The following CNOT6 variants were observed in gnomAD, a reference collection of about 807,000 sequenced individuals.
CNOT6 encodes carbon catabolite repression 4 protein.
In CNOT6, 12 loss-of-function variants were observed where a neutral mutation model predicts 61.2. That is an observed-to-expected ratio of 0.20 (90% CI 0.13 to 0.32). CNOT6 has a LOEUF of 0.32. Among genes scored for constraint, CNOT6 ranks in the 10% least tolerant of loss-of-function variants. The probability of loss-of-function intolerance (pLI) is 1.00; values close to 1 mark genes in which losing one functional copy is unlikely to be tolerated. For missense variants in CNOT6, 405 were observed against 663.9 expected (o/e 0.61, Z 4.28); for synonymous variants, 225 against 240.6 (o/e 0.94, Z 0.60).
At chr5:180,529,868 C>A (rs1284793406) in intron 2 of CNOT6, among the ~76,000 whole-genome samples, 1 of 152,064 alleles carries the variant, frequency 6.6e-6, no homozygotes, top group African/African-American at 2.4e-5. Flanking sequence ...CTGAGGACAG[C>A]CTTATTCAGA....
At chr5:180,560,017 C>G (rs1215312699) in intron 4 of CNOT6, among the ~76,000 whole-genome samples, 1 of 150,462 alleles carries the variant, frequency 6.6e-6, no homozygotes, top group Non-Finnish European at 1.5e-5. Flanking sequence ...GGCGCGATCT[C>G]GGCTCACTGC....
At chr5:180,568,983 G>T in intron 9 of CNOT6, 127 bp from the exon 10 acceptor site, 1 of 673,938 alleles carries the variant, frequency 1.5e-6, no homozygotes, top group South Asian at 2.0e-5. Flanking sequence ...CAGTCATCCG[G>T]TGGGAATTTT....
intron 1 of CNOT6, among the ~76,000 whole-genome samples, chr5:180,517,107 G>A (rs1188254582): frequency 6.6e-6 from 1 of 152,128 alleles, no homozygotes; most frequent in Non-Finnish European, 1.5e-5. Flanking sequence ...TTTCATTAAT[G>A]CCAATATTCA....
intron 2 of CNOT6, among the ~76,000 whole-genome samples, chr5:180,549,614 A>G (rs1315163888): frequency 6.6e-6 from 1 of 151,938 alleles, no homozygotes; most frequent in South Asian, 2.1e-4. Context: ...ACGCCACTGC[A>G]CTCCAGCCTG....
intron 1 of CNOT6, among the ~76,000 whole-genome samples, chr5:180,517,813 A>G (rs1015236783): frequency 9.8e-5 from 15 of 152,318 alleles, no homozygotes; most frequent in African/African-American, 3.4e-4. Flanking sequence ...GAGTGCTGGG[A>G]TTACAGGCGT....
At chr5:180,508,688 T>C (rs1041544660) in intron 1 of CNOT6, among the ~76,000 whole-genome samples, 4 of 152,082 alleles carry the variant, frequency 2.6e-5, no homozygotes, top group African/African-American at 9.7e-5. Flanking sequence ...ACAGGTGCCA[T>C]CATGGCTCAC....
chr5:180,497,810 G>A (rs1426044505), intron 1 of CNOT6, among the ~76,000 whole-genome samples: 2 of 152,130 alleles, frequency 1.3e-5, no homozygotes, highest in Non-Finnish European at 2.9e-5. Context: ...TTGGGAGGCC[G>A]AGGCGGGCGG....
At chr5:180,509,667 G>A (rs1757291139) in intron 1 of CNOT6, among the ~76,000 whole-genome samples, 2 of 150,144 alleles carry the variant, frequency 1.3e-5, no homozygotes, top group African/African-American at 2.5e-5. Flanking sequence ...CACTTGCCTC[G>A]GCCTCCCAAG....
At chr5:180,508,471 C>A (rs1757232449) in intron 1 of CNOT6, among the ~76,000 whole-genome samples, 1 of 152,032 alleles carries the variant, frequency 6.6e-6, no homozygotes, top group South Asian at 2.1e-4. Context: ...GCCACCATGC[C>A]CAGCTAATTT....
intron 2 of CNOT6, among the ~76,000 whole-genome samples, chr5:180,542,560 C>T (rs114175221): frequency 0.015 from 2,245 of 152,294 alleles, 47 homozygotes; most frequent in African/African-American, 0.051. Context: ...CCACTGCACC[C>T]GGCCGCTTGT....
At chr5:180,547,844 C>T (rs1404801162) in intron 2 of CNOT6, among the ~76,000 whole-genome samples, 2 of 152,116 alleles carry the variant, frequency 1.3e-5, no homozygotes, top group Non-Finnish European at 2.9e-5. Context: ...AGCGGTTCTC[C>T]TGCCTCAGCC....
rs1455468134 is a variant in CNOT6 at position 180,571,418 on chromosome 5, A to G, written c.1447A>G (p.Thr483Ala). The G allele has an allele frequency of 6.2e-7, 1 of 1,613,700 alleles. No homozygotes were observed. The highest frequency in any genetic ancestry group is 1.1e-5 in the South Asian group (1 of 91,034). Residue 483 changes from threonine (T) to alanine (A), a missense_variant, in exon 11 of 12, where the codon ACA (threonine) becomes GCA (alanine). Thr to Ala is a moderately conservative substitution (Grantham distance 58). Transcript: ENST00000261951. Reference sequence around the variant, plus strand: ...TGGCCTGATGCCTTACACGAATTACACATTTGATTTCAAGGTGTGTCTTGA... The same window carrying G: ...TGGCCTGATGCCTTACACGAATTACGCATTTGATTTCAAGGTGTGTCTTGA... ...ESGLMPYTNY[T>A]FDFKGIIDYI...
chr5:180,543,924 C>T (rs1179703174), intron 2 of CNOT6, among the ~76,000 whole-genome samples: 12 of 152,134 alleles, frequency 7.9e-5, no homozygotes, highest in Non-Finnish European at 2.9e-5. Context: ...CATTCTCCTG[C>T]TTCAGCCTCT....
At chr5:180,551,354 C>G (rs1329697207) in intron 3 of CNOT6, among the ~76,000 whole-genome samples, 1 of 152,106 alleles carries the variant, frequency 6.6e-6, no homozygotes, top group Non-Finnish European at 1.5e-5. Context: ...AAGACCCTGT[C>G]TCTACCCTCC....
intron 2 of CNOT6, among the ~76,000 whole-genome samples, chr5:180,531,041 C>T (rs543496863): frequency 1.3e-5 from 2 of 152,198 alleles, no homozygotes; most frequent in Admixed American, 6.5e-5. Flanking sequence ...TCGACAAAAC[C>T]GCCGTTGTCA....
At chr5:180,555,525 A>G (rs1759838454) in intron 4 of CNOT6, among the ~76,000 whole-genome samples, 1 of 152,186 alleles carries the variant, frequency 6.6e-6, no homozygotes, top group Admixed American at 6.5e-5. Flanking sequence ...ACAGCATTAC[A>G]CATCTGTAAT....
At chr5:180,508,808 A>G (rs1345142357) in intron 1 of CNOT6, among the ~76,000 whole-genome samples, 1 of 139,088 alleles carries the variant, frequency 7.2e-6, no homozygotes, top group Non-Finnish European at 1.5e-5. Flanking sequence ...ATTTTAATTA[A>G]TTAATTAATT....
intron 1 of CNOT6, among the ~76,000 whole-genome samples, chr5:180,519,360 T>G (rs747290424): frequency 6.6e-6 from 1 of 152,190 alleles, no homozygotes; most frequent in Non-Finnish European, 1.5e-5. Context: ...AGCTTGACAT[T>G]AGTCACTCCA....
In CNOT6 at chr5:180,577,163, ATG is replaced by A. The variant is rs1248640861; in HGVS notation, c.*2995_*2996del. The A allele has an allele frequency of 3.8e-3, 548 of 145,786 alleles. 2 individuals carry two copies. The highest frequency in any genetic ancestry group is 5.7e-3 in the Admixed American group (81 of 14,316). 9.0% of individuals were successfully genotyped at this position (145,786 alleles called of 1,614,324 possible). The stretch of plus-strand genomic sequence containing the variant: ...AGATAGGCAGAGAACATCTCCAGAA[ATG>A]TGTGTGTGTGTGTGTGTGTGTGTGT... On this transcript the variant is annotated 3_prime_UTR_variant, in exon 12 of 12. Transcript: ENST00000261951.
Sources: allele counts gnomAD v4.1 joint callset (sites outside exome capture counted in the v4.1 genomes callset), GRCh38; gene constraint gnomAD v4.1.1; transcripts MANE v1.5; gene names NCBI Gene and HGNC (gene_info 2026-07-23, HGNC 2026-07-21).